The following TBCK variants were observed in gnomAD, a reference collection of about 807,000 sequenced individuals.
The protein encoded by TBCK is TBC1 domain containing kinase.
TBCK carries 99 observed loss-of-function variants against 113.4 expected under a neutral mutation model. The ratio of observed to expected loss-of-function variants is 0.87; its 90% CI spans 0.74 to 1.03. The LOEUF (loss-of-function observed/expected upper bound fraction) is 1.03, where lower values mean the gene tolerates loss of function less well. Ranked by LOEUF, TBCK falls within the 50% of genes least tolerant of loss-of-function variation. TBCK has a pLI of 0.00. For synonymous variants in TBCK, 369 were observed against 370.8 expected (o/e 1.00, Z 0.05); for missense variants, 1,045 against 1,061.3 (o/e 0.98, Z 0.21).
intron 3 of TBCK, among the ~76,000 whole-genome samples, chr4:106,289,835 ATTAAG>A (rs1359487418): frequency 4.6e-5 from 7 of 152,132 alleles, no homozygotes; most frequent in African/African-American, 1.7e-4. Context: ...TAAATAAAAC[ATTAAG>A]TTAAGAATAA....
rs770758457 is a variant in TBCK at position 106,248,989 on chromosome 4, A to G, written c.659-7T>C. 1 of 1,580,432 alleles carries G rather than the reference A, an allele frequency of 6.3e-7. No homozygotes were observed. Among genetic ancestry groups the G allele is most frequent in the Admixed American group, 1.9e-5 (1 of 52,918 alleles). On this transcript the variant is annotated splice_polypyrimidine_tract_variant and splice_region_variant and intron_variant, in intron 7 of 25. Coordinates refer to ENST00000394708, the MANE Select transcript of TBCK (RefSeq NM_001163435.3). ...AAAGTGTCATCTACACAATCTATAA[A>G]ACAGAAAAACTATATGAATAAATGC... is the stretch of plus-strand genomic sequence containing the variant.
At chr4:106,229,088 G>C (rs571129835) in intron 19 of TBCK, among the ~76,000 whole-genome samples, 11 of 152,018 alleles carry the variant, frequency 7.2e-5, no homozygotes, top group Admixed American at 2.6e-4. Flanking sequence ...TTTAAAATCA[G>C]ATTATTAGAT....
At chr4:106,277,516 A>G (rs1158231843) in intron 3 of TBCK, among the ~76,000 whole-genome samples, 2 of 152,278 alleles carry the variant, frequency 1.3e-5, no homozygotes, top group East Asian at 3.9e-4. Context: ...ACAAAAACAA[A>G]TGAACTATGA....
rs563104791 is a variant in TBCK at position 106,287,086 on chromosome 4, T to C, written c.266+8008A>G. Among the ~76,000 whole-genome samples, 17 of 152,136 alleles carry C rather than the reference T, an allele frequency of 1.1e-4. No individual in the cohort carries two copies. In the East Asian group the frequency reaches 3.3e-3, roughly 29 times the overall value. On this transcript the variant is annotated intron_variant, in intron 3 of 25. Transcript: ENST00000394708. Reference sequence around the variant, plus strand: ...CCAGAGGACTGCTCTCTTTGTGGCTTATGGGGTCCTCTGGAACTTCGGGGT... The same window carrying C: ...CCAGAGGACTGCTCTCTTTGTGGCTCATGGGGTCCTCTGGAACTTCGGGGT...
intron 23 of TBCK, among the ~76,000 whole-genome samples, chr4:106,167,802 T>G (rs1022928718): frequency 6.6e-6 from 1 of 151,670 alleles, no homozygotes; most frequent in African/African-American, 2.4e-5. Flanking sequence ...AAAACTTATA[T>G]GAGAAGAATT....
chr4:106,303,506 TA>T (rs1381753281), intron 2 of TBCK, among the ~76,000 whole-genome samples: 2 of 152,162 alleles, frequency 1.3e-5, no homozygotes, highest in African/African-American at 4.8e-5. Flanking sequence ...ATTTTAAACT[TA>T]AAATTTCATT....
chr4:106,195,488 GTGTT>G (rs1404558865), intron 20 of TBCK, among the ~76,000 whole-genome samples: 9 of 151,314 alleles, frequency 5.9e-5, no homozygotes, highest in Non-Finnish European at 1.2e-4. Context: ...TTAAATGTGT[GTGTT>G]TGTGTGTGTG....
At chr4:106,100,519 T>G (rs1741431686) in intron 24 of TBCK, among the ~76,000 whole-genome samples, 1 of 152,112 alleles carries the variant, frequency 6.6e-6, no homozygotes, top group Admixed American at 6.5e-5. Flanking sequence ...AAAACCGGTT[T>G]ATTTAGGGAA....
intron 20 of TBCK, among the ~76,000 whole-genome samples, chr4:106,202,244 G>T (rs2149844381): frequency 6.6e-6 from 1 of 151,686 alleles, no homozygotes; most frequent in Admixed American, 6.6e-5. Flanking sequence ...CCTAGGCACT[G>T]TATAAAATAT....
In TBCK at chr4:106,095,533, G is replaced by T; in HGVS notation, c.2520C>A (p.Phe840Leu). Residue 840 changes from phenylalanine to leucine, a missense_variant, in exon 25 of 26, where the codon TTC (phenylalanine) becomes TTA (leucine). Coordinates refer to ENST00000394708, the MANE Select transcript of TBCK (RefSeq NM_001163435.3). ...CCACGATGACAATGACCTTCCCTTT[G>T]AAGTTCTGGAGCATAGCAGTGTAAG... ...QGPYTAMLQN[F>L]KGKVIVIVGH... is the part of the protein sequence containing the mutation. The T allele has an allele frequency of 6.2e-7, 1 of 1,614,038 alleles. No homozygotes were observed. The highest frequency in any genetic ancestry group is 8.5e-7 in the Non-Finnish European group (1 of 1,179,962).
chr4:106,077,977 A>G (rs560758850), intron 25 of TBCK, among the ~76,000 whole-genome samples: 167 of 152,334 alleles, frequency 1.1e-3, no homozygotes, highest in African/African-American at 3.8e-3. Context: ...CATAGTAAAA[A>G]CAGCAATCAA....
chr4:106,217,398 C>T (rs1325436906), intron 19 of TBCK, among the ~76,000 whole-genome samples: 90 of 152,162 alleles, frequency 5.9e-4, no homozygotes, highest in African/African-American at 2.0e-3. Context: ...AAATAAAGGG[C>T]ATTCAGTTAG....
intron 19 of TBCK, chr4:106,213,838 C>T (rs7692132): frequency 0.13 from 19,882 of 153,804 alleles, 1,621 homozygotes; most frequent in South Asian, 0.24. Context: ...CAAAGCAGCC[C>T]GGAAGCTCGA....
At chr4:106,214,687 C>G (rs914147352) in intron 19 of TBCK, among the ~76,000 whole-genome samples, 72 of 152,216 alleles carry the variant, frequency 4.7e-4, no homozygotes, top group African/African-American at 1.7e-3. Context: ...AAGAAACGAG[C>G]AAAGCCTCCA....
chr4:106,236,792 C>T lies in TBCK; in HGVS notation c.1187G>A (p.Gly396Asp). 6.6e-7 allele frequency: 1 copy of T among 1,517,494 alleles called. No homozygotes were observed. The highest frequency in any genetic ancestry group is 1.4e-5 in the South Asian group (1 of 73,440). 94.0% of individuals were successfully genotyped at this position (1,517,494 alleles called of 1,614,324 possible). ...AAGTAATGGGTAAAATGCTTCTCCA[C>T]CAACATCTTTCAATCTCTGTGTATT... ...CQLRNRLKDV[G>D]GEAFYPLLED... Residue 396 changes from glycine to aspartate, a missense_variant, in exon 13 of 26, where the codon GGT (glycine) becomes GAT (aspartate). Coordinates refer to ENST00000394708, the MANE Select transcript of TBCK (RefSeq NM_001163435.3).
At chr4:106,049,398 A>G (rs1390780833) in intron 25 of TBCK, among the ~76,000 whole-genome samples, 1 of 151,896 alleles carries the variant, frequency 6.6e-6, no homozygotes, top group East Asian at 1.9e-4. Flanking sequence ...CTTTCCTTTT[A>G]TTTCTCTTTC....
intron 19 of TBCK, among the ~76,000 whole-genome samples, chr4:106,214,225 A>C (rs971123118): frequency 7.3e-5 from 11 of 151,220 alleles, no homozygotes; most frequent in South Asian, 4.2e-4. Context: ...TGTACATCAC[A>C]ATCATCAAAG....
rs141219309 is a variant in TBCK at position 106,082,711 on chromosome 4, G to A, written c.2571+12771C>T. On this transcript the variant is annotated intron_variant, in intron 25 of 25. Transcript: ENST00000394708. ...TAGAAGCAGCAGCATTCCGAGGCTC[G>A]CATAGGAAAGAAACCATAATAAGCC... Among the ~76,000 whole-genome samples the A allele has an allele frequency of 1.8e-3, 270 of 152,266 alleles. 6 individuals are homozygous for A. Among genetic ancestry groups the A allele is most frequent in the Non-Finnish European group, 2.6e-4 (18 of 68,014 alleles).
At chr4:106,309,951 T>A (rs1053578758) in intron 1 of TBCK, 2 of 152,182 alleles carry the variant, frequency 1.3e-5, no homozygotes, top group African/African-American at 4.8e-5. Flanking sequence ...TGCCCCAAAG[T>A]TGCGTAAAGT....
Sources: gnomAD v4.1 joint callset for allele counts (sites outside exome capture counted in the v4.1 genomes callset) on GRCh38, gnomAD v4.1.1 for gene constraint, MANE v1.5 for transcripts, NCBI Gene and HGNC (gene_info 2026-07-23, HGNC 2026-07-21) for gene names.